The following SIRPB1 variants were observed in gnomAD, a reference collection of about 807,000 sequenced individuals.
SIRPB1 encodes signal regulatory protein beta 1.
A neutral mutation model predicts 34.1 loss-of-function variants in SIRPB1; 28 were observed. The observed-to-expected ratio is 0.82, with a 90% CI of 0.61 to 1.12. SIRPB1 has a LOEUF of 1.12. SIRPB1 is among the 50% of genes most tolerant of loss of function. The pLI is 0.00. For synonymous variants in SIRPB1, 211 were observed against 203.8 expected, an observed-to-expected ratio of 1.04 and a Z score of -0.30; for missense variants, 499 against 507.0, an observed-to-expected ratio of 0.98 and a Z score of 0.15.
At chr20:1,566,323 A>G (rs1041052206) in intron 4 of SIRPB1, 56 bp from the exon 5 acceptor site, 5 of 1,125,080 alleles carry the variant, frequency 4.4e-6, no homozygotes, top group South Asian at 1.3e-5. Context: ...AGCTCATCCC[A>G]GGGGCCTCCA....
At chr20:1,569,698 A>G (rs990367862) in intron 4 of SIRPB1, among the ~76,000 whole-genome samples, 34 of 152,258 alleles carry the variant, frequency 2.2e-4, no homozygotes, top group Admixed American at 6.5e-5. Flanking sequence ...CAGAAAGAAT[A>G]GAAGATTGGG....
rs1208008027 is a variant in SIRPB1, at chr20:1,603,441, T to G, written c.76+16428A>C. 4.1e-5 allele frequency among the ~76,000 whole-genome samples: 2 copies of G among 48,916 alleles called. 1 individual carries two copies. Among genetic ancestry groups the G allele is most frequent in the Non-Finnish European group, 7.9e-5 (2 of 25,334 alleles). The allele number at this position is 48,916 out of a possible 152,430, so 32.1% of individuals were successfully genotyped here. The stretch of plus-strand genomic sequence containing the variant: ...GTCTGCAGGGGGCAGGTCACAGATA[T>G]GAATGGAAAAGTTTAGGAAGGAACA... On this transcript the variant is annotated intron_variant, in intron 1 of 5. Coordinates refer to ENST00000381605, the MANE Select transcript of SIRPB1 (RefSeq NM_006065.5).
At position 1,611,643 on chromosome 20, in the gene SIRPB1, C is replaced by T. The variant is rs1141353; in HGVS notation, c.76+8226G>A. ...AAGTCACAGTGCAGTGCAGAGTGGC[C>T]GACTCTCCAGCTGCAACTGATATGG... On this transcript the variant is annotated intron_variant, in intron 1 of 5. Coordinates refer to ENST00000381605, the MANE Select transcript of SIRPB1 (RefSeq NM_006065.5). 2.1e-5 allele frequency: 26 copies of T among 1,262,618 alleles called. 6 individuals are homozygous for T. The Admixed American group carries it at 2.2e-4, about 11-fold the overall frequency. The allele number at this position is 1,262,618 out of a possible 1,614,324, so 78.2% of individuals were successfully genotyped here.
Position 1,571,591 on chromosome 20 carries a change from T to C in SIRPB1, c.751+129A>G. 4 of 1,351,646 alleles carry C rather than the reference T, an allele frequency of 3.0e-6. No homozygotes were observed. In the South Asian group the frequency reaches 5.4e-5, roughly 18 times the overall value. The allele number at this position is 1,351,646 out of a possible 1,614,324, so 83.7% of individuals were successfully genotyped here. Reference sequence around the variant, plus strand: ...AATGATAGTAAGTGACCGGCTCACCTAGGTGCATGGGAGGTGGACAACACA... The same window carrying C: ...AATGATAGTAAGTGACCGGCTCACCCAGGTGCATGGGAGGTGGACAACACA... On this transcript the variant is annotated intron_variant, in intron 3 of 5. Transcript: ENST00000381605.
intron 4 of SIRPB1, among the ~76,000 whole-genome samples, chr20:1,569,494 C>T (rs567058012): frequency 6.8e-4 from 104 of 152,316 alleles, no homozygotes; most frequent in African/African-American, 2.4e-3. Context: ...TTTCAGTGGA[C>T]GTGACTATGC....
chr20:1,568,035 T>C (rs2122170925), intron 4 of SIRPB1, among the ~76,000 whole-genome samples: 1 of 152,320 alleles, frequency 6.6e-6, no homozygotes, highest in Middle Eastern at 3.4e-3. Context: ...ATGGGGAAGT[T>C]GTGGGACCCT....
At chr20:1,579,248 G>A (rs928252685) in intron 1 of SIRPB1, among the ~76,000 whole-genome samples, 2 of 148,200 alleles carry the variant, frequency 1.3e-5, no homozygotes, top group Non-Finnish European at 3.0e-5. Context: ...CACCGCGCCT[G>A]GCCAAGAGGT....
chr20:1,613,833 T>A (rs993570768), intron 1 of SIRPB1, among the ~76,000 whole-genome samples: 23 of 152,088 alleles, frequency 1.5e-4, no homozygotes, highest in African/African-American at 5.6e-4. Flanking sequence ...GAAGACATAG[T>A]GGACAAAAAC....
rs2091088280 is a variant in SIRPB1, at chr20:1,562,240, G to A, written c.*3260C>T. 6.6e-6 allele frequency among the ~76,000 whole-genome samples: 1 copy of A among 152,188 alleles called. No homozygotes were observed. The highest frequency in any genetic ancestry group is 1.5e-5 in the Non-Finnish European group (1 of 68,024). Reference sequence around the variant, plus strand: ...GATGGAATGTTTTAAACAGAAAGAAGAGAGAGTAGTCTTTAAAGAAAGAGC... The same window carrying A: ...GATGGAATGTTTTAAACAGAAAGAAAAGAGAGTAGTCTTTAAAGAAAGAGC... On this transcript the variant is annotated 3_prime_UTR_variant, in exon 6 of 6. Transcript: ENST00000381605.
Position 1,595,069 on chromosome 20 carries a change from C to G in SIRPB1, c.77-16375G>C, listed in dbSNP as rs1393192773. 4.2e-5 allele frequency among the ~76,000 whole-genome samples: 2 copies of G among 48,086 alleles called. 1 individual carries two copies. Among genetic ancestry groups the G allele is most frequent in the Non-Finnish European group, 8.0e-5 (2 of 25,090 alleles). The allele number at this position is 48,086 out of a possible 152,430, so 31.5% of individuals were successfully genotyped here. ...GAATCATGGGTGCTGAGATCATGTG[C>G]TCAGCACCAAGGTCATGGTGCAGCC... On this transcript the variant is annotated intron_variant, in intron 1 of 5. Transcript: ENST00000381605.
rs141714945 is a variant in SIRPB1 at position 1,571,678 on chromosome 20, G to A, written c.751+42C>T. ...GCCTGGGGAGAGGGGAGTGGGCTTG[G>A]CAGCCAGGTGTGGGCTTGGGCTGGG... On this transcript the variant is annotated intron_variant, in intron 3 of 5. Transcript: ENST00000381605. 4.4e-4 allele frequency: 710 copies of A among 1,612,906 alleles called. 1 individual carries two copies. The highest frequency in any genetic ancestry group is 4.3e-3 in the Middle Eastern group (26 of 6,058).
In SIRPB1 at chr20:1,565,161, C is replaced by G. The variant is rs1015098654; in HGVS notation, c.*339G>C. On this transcript the variant is annotated 3_prime_UTR_variant, in exon 6 of 6. Coordinates refer to ENST00000381605, the MANE Select transcript of SIRPB1 (RefSeq NM_006065.5). ...GGCAGGAATCCAGAAGACAGGATAA[C>G]TCTTGAGAGCCTGGAGAGAGTCTGT... The G allele has an allele frequency of 1.5e-5, 6 of 397,760 alleles. No individual in the cohort carries two copies. The highest frequency in any genetic ancestry group is 3.6e-5 in the East Asian group (1 of 28,058). 24.6% of individuals were successfully genotyped at this position (397,760 alleles called of 1,614,324 possible).
At chr20:1,566,102 C>A in intron 5 of SIRPB1, 51 bp downstream of exon 5, 1 of 1,215,368 alleles carries the variant, frequency 8.2e-7, no homozygotes, top group Non-Finnish European at 1.2e-6. Flanking sequence ...CTCCTGCTGG[C>A]CTTGCCTTTC....
Position 1,619,917 on chromosome 20 carries a change from G to A in SIRPB1, c.28C>T (p.Leu10Phe), listed in dbSNP as rs1333680174. The change falls in exon 1 of 6, where the codon CTT becomes TTT. Residue 10 changes from leucine to phenylalanine, a missense_variant. Leu to Phe is a conservative substitution (Grantham distance 22, BLOSUM62 0). Transcript: ENST00000381605. MPVPASWPH[L>F]PSPFLLMTLL... Reference sequence around the variant, plus strand: ...GTCATCAGCAGGAAAGGACTAGGAAGGTGGGGCCAGGAGGCTGGCACGGGC... The same window carrying A: ...GTCATCAGCAGGAAAGGACTAGGAAAGTGGGGCCAGGAGGCTGGCACGGGC... The A allele has an allele frequency of 1.9e-5, 30 of 1,613,972 alleles. No individual in the cohort carries two copies. Among genetic ancestry groups the A allele is most frequent in the Non-Finnish European group, 2.5e-5 (29 of 1,179,888 alleles).
At chr20:1,566,398 C>A in intron 4 of SIRPB1, 131 bp from the exon 5 acceptor site, 3 of 567,896 alleles carry the variant, frequency 5.3e-6, no homozygotes, top group Non-Finnish European at 9.4e-6. Flanking sequence ...GCATCCTGCT[C>A]TGGCTTTCCT....
In SIRPB1 at chr20:1,563,066, G is replaced by A. The variant is rs183345248; in HGVS notation, c.*2434C>T. On this transcript the variant is annotated 3_prime_UTR_variant, in exon 6 of 6. Transcript: ENST00000381605. ...TAAAAGGGCTGAAGATGTCCCAAAGGTTGAAATGCCAGCAAAAAACTTCAC... is the reference window on the plus strand; with the variant it reads ...TAAAAGGGCTGAAGATGTCCCAAAGATTGAAATGCCAGCAAAAAACTTCAC... 5.9e-5 allele frequency among the ~76,000 whole-genome samples: 9 copies of A among 152,288 alleles called. No individual in the cohort carries two copies. In the East Asian group the frequency reaches 1.7e-3, roughly 29 times the overall value.
intron 2 of SIRPB1, among the ~76,000 whole-genome samples, chr20:1,572,444 G>C (rs1015512469): frequency 6.6e-6 from 1 of 151,586 alleles, no homozygotes; most frequent in Admixed American, 6.6e-5. Context: ...CAATGGCAAA[G>C]TGGCACCACC....
Position 1,580,146 on chromosome 20 carries a change from C to T in SIRPB1, c.77-1452G>A, listed in dbSNP as rs943595437. On this transcript the variant is annotated intron_variant, in intron 1 of 5. Coordinates refer to ENST00000381605, the MANE Select transcript of SIRPB1 (RefSeq NM_006065.5). The stretch of plus-strand genomic sequence containing the variant: ...CCTTCCATGTCTACATTTTTTAAGG[C>T]GCTTTCAGCAGAGCTGTGTGTCTTC... 1.0e-4 allele frequency among the ~76,000 whole-genome samples: 15 copies of T among 148,126 alleles called. 2 individuals carry two copies. The highest frequency in any genetic ancestry group is 1.5e-4 in the Non-Finnish European group (10 of 66,158).
At chr20:1,566,428 G>A (rs900299567) in intron 4 of SIRPB1, among the ~76,000 whole-genome samples, 161 bp from the exon 5 acceptor site, 5 of 152,186 alleles carry the variant, frequency 3.3e-5, no homozygotes, top group African/African-American at 1.2e-4. Flanking sequence ...CGAAAGCAAA[G>A]GCCAGGGAAA....
Sources: allele counts gnomAD v4.1 joint callset (sites outside exome capture counted in the v4.1 genomes callset), GRCh38; gene constraint gnomAD v4.1.1; transcripts MANE v1.5; gene names NCBI Gene and HGNC (gene_info 2026-07-23, HGNC 2026-07-21).